The following ZNF407 variants were observed in gnomAD, a reference collection of about 807,000 sequenced individuals.
ZNF407 encodes the protein zinc finger protein 407.
In ZNF407, 17 loss-of-function variants were observed where a neutral mutation model predicts 131.2. The observed-to-expected ratio is 0.13, with a 90% CI of 0.09 to 0.19. The LOEUF is 0.19. Ranked by LOEUF, ZNF407 falls within the 10% of genes least tolerant of loss-of-function variation. The probability of loss-of-function intolerance (pLI) is 1.00; values close to 1 mark genes in which losing one functional copy is unlikely to be tolerated. For missense variants in ZNF407, 2,681 were observed against 2,830.6 expected (o/e 0.95, Z 1.20); for synonymous variants, 1,156 against 1,062.0 (o/e 1.09, Z -1.72).
In ZNF407 at chr18:74,632,170, C is replaced by A; in HGVS notation, c.1151C>A (p.Thr384Asn). Reference protein sequence around the residue: ...NPENQSRKLDTLVTSEGLLEK... With the variant: ...NPENQSRKLDNLVTSEGLLEK... Reference sequence around the variant, plus strand: ...GAAAACCAGAGTAGAAAGCTAGACACCTTAGTAACCTCAGAGGGTCTCTTA... The same window carrying A: ...GAAAACCAGAGTAGAAAGCTAGACAACTTAGTAACCTCAGAGGGTCTCTTA... The change falls in exon 2 of 9, where the codon ACC becomes AAC. Residue 384 changes from threonine (T) to asparagine (N), a missense_variant. Coordinates refer to ENST00000299687, the MANE Select transcript of ZNF407 (RefSeq NM_017757.3). The A allele has an allele frequency of 6.2e-7, 1 of 1,613,942 alleles. No homozygotes were observed. Among genetic ancestry groups the A allele is most frequent in the Non-Finnish European group, 8.5e-7 (1 of 1,179,882 alleles).
At chr18:74,740,156 C>T (rs975763079) in intron 3 of ZNF407, among the ~76,000 whole-genome samples, 4 of 152,132 alleles carry the variant, frequency 2.6e-5, no homozygotes, top group Non-Finnish European at 4.4e-5. Context: ...TGGAGGTTCT[C>T]GGGAATGCAT....
At chr18:74,885,162 A>G (rs370677030) in intron 6 of ZNF407, among the ~76,000 whole-genome samples, 1 of 152,196 alleles carries the variant, frequency 6.6e-6, no homozygotes, top group Non-Finnish European at 1.5e-5. Flanking sequence ...TACAGCAACC[A>G]TAATCATAAT....
At chr18:74,763,187 TCTTAGGACC>T (rs1442852372) in intron 3 of ZNF407, among the ~76,000 whole-genome samples, 27 of 147,396 alleles carry the variant, frequency 1.8e-4, no homozygotes, top group African/African-American at 6.7e-4. Flanking sequence ...TTGAGCATCT[TCTTAGGACC>T]TTTTTTTTTT....
chr18:74,722,999 T>C (rs1192029032), intron 3 of ZNF407, among the ~76,000 whole-genome samples: 1 of 152,156 alleles, frequency 6.6e-6, no homozygotes, highest in Non-Finnish European at 1.5e-5. Flanking sequence ...TCTCTTTACC[T>C]TTTTTAGTCC....
chr18:74,897,584 G>A (rs978824767), intron 7 of ZNF407, among the ~76,000 whole-genome samples: 1 of 152,072 alleles, frequency 6.6e-6, no homozygotes, highest in African/African-American at 2.4e-5. Context: ...AGATATATCT[G>A]TATATATTGT....
chr18:74,838,048 A>G (rs1273485952), intron 4 of ZNF407, among the ~76,000 whole-genome samples: 1 of 152,174 alleles, frequency 6.6e-6, no homozygotes, highest in African/African-American at 2.4e-5. Flanking sequence ...GATATTATGT[A>G]TTCTTTCTTC....
chr18:74,838,124 T>C (rs1463155993), intron 4 of ZNF407, among the ~76,000 whole-genome samples: 1 of 152,250 alleles, frequency 6.6e-6, no homozygotes, highest in Non-Finnish European at 1.5e-5. Flanking sequence ...TGTTTCTAAA[T>C]ACTTTAACAG....
chr18:74,763,656 A>AT (rs1045476100), intron 3 of ZNF407, among the ~76,000 whole-genome samples: 3 of 146,208 alleles, frequency 2.1e-5, no homozygotes, highest in Middle Eastern at 3.7e-3. Context: ...TGTAGTCTTC[A>AT]TTTTTTCCTT....
chr18:75,045,654 CT>C (rs1191140537), intron 8 of ZNF407, among the ~76,000 whole-genome samples: 1 of 152,222 alleles, frequency 6.6e-6, no homozygotes, highest in Non-Finnish European at 1.5e-5. Flanking sequence ...TGATCCACCG[CT>C]TTCTTTGCTG....
chr18:74,880,037 A>G (rs1325268306), intron 5 of ZNF407, among the ~76,000 whole-genome samples: 2 of 152,266 alleles, frequency 1.3e-5, no homozygotes, highest in Admixed American at 6.5e-5. Flanking sequence ...TTAAATGTCT[A>G]AATGAGTAAA....
chr18:74,900,872 A>G (rs1364290606), intron 7 of ZNF407, among the ~76,000 whole-genome samples: 1 of 152,264 alleles, frequency 6.6e-6, no homozygotes, highest in African/African-American at 2.4e-5. Context: ...CTTATGTGCT[A>G]AAATTTCTAT....
rs1258550898 is a variant in ZNF407, at chr18:74,679,838, A to G, written c.4802+38716A>G. Among the ~76,000 whole-genome samples the G allele has an allele frequency of 2.0e-5, 3 of 152,172 alleles. No individual in the cohort carries two copies. The East Asian group carries it at 5.8e-4, about 29-fold the overall frequency. On this transcript the variant is annotated intron_variant, in intron 3 of 8. Transcript: ENST00000299687. ...CTAACCCCACAGTTGTCTGTTTTAT[A>G]GATTGTATGTTTCAGATCATCAGTG...
At chr18:74,790,488 T>C (rs1307446367) in intron 4 of ZNF407, among the ~76,000 whole-genome samples, 1 of 152,204 alleles carries the variant, frequency 6.6e-6, no homozygotes, top group Non-Finnish European at 1.5e-5. Context: ...TGTTTTTAAG[T>C]TTTTAAGAAT....
chr18:75,030,459 A>T (rs1169284114), intron 8 of ZNF407, among the ~76,000 whole-genome samples: 1 of 152,244 alleles, frequency 6.6e-6, no homozygotes, highest in African/African-American at 2.4e-5. Flanking sequence ...TGTTGGAGAA[A>T]TGAATTGTTA....
intron 3 of ZNF407, among the ~76,000 whole-genome samples, chr18:74,760,860 C>T (rs184373103): frequency 6.6e-6 from 1 of 152,186 alleles, no homozygotes; most frequent in Non-Finnish European, 1.5e-5. Context: ...GTTCAAGTGC[C>T]CCAAAGCTTA....
intron 7 of ZNF407, among the ~76,000 whole-genome samples, chr18:74,913,212 C>T (rs183146897): frequency 7.2e-5 from 11 of 152,208 alleles, no homozygotes; most frequent in African/African-American, 2.4e-4. Flanking sequence ...TGTCATGATG[C>T]GATTGTCATG....
intron 8 of ZNF407, among the ~76,000 whole-genome samples, chr18:75,029,566 G>A (rs139503555): frequency 3.4e-4 from 50 of 145,414 alleles, no homozygotes; most frequent in Non-Finnish European, 5.6e-4. Context: ...CATTCAGGGC[G>A]GAGTGTGTGT....
In ZNF407 at chr18:74,635,248, A is replaced by G. The variant is rs532171385; in HGVS notation, c.4229A>G (p.Glu1410Gly). Residue 1410 changes from glutamate to glycine, a missense_variant, in exon 2 of 9, where the codon GAG becomes GGG. By Grantham distance (98) the Glu-to-Gly change is moderately conservative. Transcript: ENST00000299687. This position sits in a 1 kb window ranked among gnomAD's most constrained non-coding sequence, Gnocchi z 4.7. ...AAATCTGAGGGCAGTTCCATTGGTG[A>G]GTCTACACGAATTCGCTGTGATGAT... ...KKKSEGSSIG[E>G]STRIRCDDCG... 4 of 1,613,882 alleles carry G rather than the reference A, an allele frequency of 2.5e-6. No homozygotes were observed. The African/African-American group carries it at 4.0e-5, about 16-fold the overall frequency.
intron 8 of ZNF407, among the ~76,000 whole-genome samples, chr18:74,924,654 C>G (rs1045402231): frequency 7.2e-5 from 11 of 152,130 alleles, no homozygotes; most frequent in African/African-American, 2.4e-4. Context: ...GGCCTGCAGT[C>G]TGACCCCATG....
Sources: allele counts gnomAD v4.1 joint callset (sites outside exome capture counted in the v4.1 genomes callset), GRCh38; gene constraint gnomAD v4.1.1; non-coding constraint Gnocchi (gnomAD v3.1); transcripts MANE v1.5; gene names NCBI Gene and HGNC (gene_info 2026-07-23, HGNC 2026-07-21).